Variants in MINDY2 observed in about 807,000 individuals in gnomAD.
MINDY2 encodes the protein ubiquitin carboxyl-terminal hydrolase MINDY-2.
A neutral mutation model predicts 68.2 loss-of-function variants in MINDY2; 52 were observed. That is an observed-to-expected ratio of 0.76 (90% CI 0.61 to 0.96). MINDY2 has a LOEUF of 0.96. Ranked by LOEUF, MINDY2 falls within the 40% of genes least tolerant of loss-of-function variation. MINDY2 has a pLI of 0.00. For synonymous variants in MINDY2, 372 were observed against 303.0 expected (o/e 1.23, Z -2.36); for missense variants, 881 against 773.4 (o/e 1.14, Z -1.65).
chr15:58,803,482 AAG>A (rs1595728991), intron 3 of MINDY2, among the ~76,000 whole-genome samples: 2 of 145,526 alleles, frequency 1.4e-5, no homozygotes, highest in African/African-American at 2.8e-5. Flanking sequence ...AAAAAAAAAA[AAG>A]AAGAAGAATC....
At position 58,854,671 on chromosome 15, in the gene MINDY2, A is replaced by G. The variant is rs2033000072; in HGVS notation, c.*61A>G. On this transcript the variant is annotated 3_prime_UTR_variant, in exon 9 of 9. Transcript: ENST00000559228. The stretch of plus-strand genomic sequence containing the variant: ...TTGAGAAACAAAACCACAGGAGGAA[A>G]GGAAGAAAAACCGATCAATACCGTC... 2.6e-6 allele frequency: 4 copies of G among 1,543,848 alleles called. No individual in the cohort carries two copies. The highest frequency in any genetic ancestry group is 3.5e-6 in the Non-Finnish European group (4 of 1,153,922).
chr15:58,830,088 AAAG>A (rs1246892810), intron 5 of MINDY2, among the ~76,000 whole-genome samples: 4 of 152,152 alleles, frequency 2.6e-5, no homozygotes, highest in African/African-American at 4.8e-5. Context: ...GGAAGGAGGG[AAAG>A]AAGAAGAGAA....
intron 6 of MINDY2, among the ~76,000 whole-genome samples, chr15:58,846,701 TTA>T (rs1274201747): frequency 6.6e-6 from 1 of 152,088 alleles, no homozygotes; most frequent in Non-Finnish European, 1.5e-5. Flanking sequence ...CGTACAGAGT[TTA>T]TGTGATAAGG....
intron 5 of MINDY2, among the ~76,000 whole-genome samples, chr15:58,830,903 G>T (rs1369490997): frequency 6.6e-6 from 1 of 151,944 alleles, no homozygotes; most frequent in Non-Finnish European, 1.5e-5. Context: ...CCACAAACAA[G>T]CATGAAAATG....
intron 2 of MINDY2, among the ~76,000 whole-genome samples, chr15:58,799,427 C>T (rs938037871): frequency 7.9e-5 from 12 of 151,890 alleles, no homozygotes; most frequent in African/African-American, 7.3e-5. Context: ...ATTAGCCAGG[C>T]GTGGTGGCGG....
At chr15:58,848,675 G>A (rs1319822557) in intron 7 of MINDY2, among the ~76,000 whole-genome samples, 1 of 152,148 alleles carries the variant, frequency 6.6e-6, no homozygotes, top group Non-Finnish European at 1.5e-5. Context: ...GAACCAAGGA[G>A]GCAGAGCTTG....
intron 1 of MINDY2, among the ~76,000 whole-genome samples, chr15:58,774,967 C>G (rs1222217741): frequency 6.6e-6 from 1 of 151,894 alleles, no homozygotes; most frequent in African/African-American, 2.4e-5. Context: ...CCTGTTGATG[C>G]CCACAAAAAC....
intron 4 of MINDY2, 31 bp downstream of exon 4, chr15:58,810,419 CA>C (rs1465073547): frequency 6.7e-7 from 1 of 1,496,278 alleles, no homozygotes; most frequent in Admixed American, 2.4e-5. Flanking sequence ...TATGTAAACA[CA>C]AATACAGGAA....
chr15:58,801,702 C>T (rs747883436), intron 2 of MINDY2, among the ~76,000 whole-genome samples: 83 of 152,156 alleles, frequency 5.5e-4, no homozygotes, highest in Non-Finnish European at 9.4e-4. Flanking sequence ...TGCAGTGGCG[C>T]GATCTCGGCT....
At chr15:58,810,098 T>C in intron 3 of MINDY2, 132 bp from the exon 4 acceptor site, 2 of 816,814 alleles carry the variant, frequency 2.4e-6, no homozygotes, top group Admixed American at 2.8e-5. Context: ...AGATACTCAA[T>C]AATAAAAATA....
chr15:58,804,253 T>A (rs11635746), intron 3 of MINDY2, among the ~76,000 whole-genome samples: 2 of 152,192 alleles, frequency 1.3e-5, no homozygotes, highest in Non-Finnish European at 2.9e-5. Context: ...AATAGAAACC[T>A]CTTTTCAAAT....
chr15:58,848,559 C>T (rs943622692), intron 7 of MINDY2, among the ~76,000 whole-genome samples: 1 of 151,656 alleles, frequency 6.6e-6, no homozygotes, highest in African/African-American at 2.4e-5. Context: ...CTGGCTAACA[C>T]GGTGAAACCC....
intron 7 of MINDY2, among the ~76,000 whole-genome samples, chr15:58,851,193 C>T (rs1027900369): frequency 3.3e-5 from 5 of 151,734 alleles, no homozygotes; most frequent in East Asian, 3.9e-4. Flanking sequence ...AGGGTGGTCT[C>T]GAACTCCTGG....
intron 3 of MINDY2, among the ~76,000 whole-genome samples, chr15:58,802,664 G>C (rs76658691): frequency 0.15 from 22,581 of 151,318 alleles, 1,987 homozygotes; most frequent in East Asian, 0.44. Flanking sequence ...ATCAAACCTA[G>C]TGTTTTTCTT....
Position 58,771,725 on chromosome 15 carries a change from C to T in MINDY2, c.330C>T (p.Ala110=). Residue 110 remains alanine, a synonymous_variant, in exon 1 of 9, where the codon GCC becomes GCT. Transcript: ENST00000559228. The part of the protein sequence containing the change: ...APLRGQYKVT[A]SPETAVAGVG... ...TGAGAGGGCAGTACAAGGTGACCGC[C>T]TCCCCGGAGACAGCCGTGGCCGGAG... 1 of 1,612,094 alleles carries T rather than the reference C, an allele frequency of 6.2e-7. No individual in the cohort carries two copies. Among genetic ancestry groups the T allele is most frequent in the Non-Finnish European group, 8.5e-7 (1 of 1,179,682 alleles).
In MINDY2 at chr15:58,854,610, A is replaced by G; in HGVS notation, c.1866A>G (p.Ter622=). The G allele has an allele frequency of 6.2e-7, 1 of 1,605,620 alleles. No homozygotes were observed. The highest frequency in any genetic ancestry group is 1.1e-5 in the South Asian group (1 of 90,716). Reference sequence around the variant, plus strand: ...AAAAAAATAGCTGTGTTATTTTGTAACAAGTGTTGGCTTCTGTTGGAACCA... The same window carrying G: ...AAAAAAATAGCTGTGTTATTTTGTAGCAAGTGTTGGCTTCTGTTGGAACCA... ...EKEKNSCVIL[*] is the part of the protein sequence containing the mutation. The change falls in exon 9 of 9, where the codon TAA becomes TAG. Residue 622 remains the stop codon, a stop_retained_variant. Coordinates refer to ENST00000559228, the MANE Select transcript of MINDY2 (RefSeq NM_001040450.3).
intron 1 of MINDY2, among the ~76,000 whole-genome samples, chr15:58,780,673 G>A (rs963669378): frequency 1.3e-5 from 2 of 152,262 alleles, no homozygotes; most frequent in African/African-American, 4.8e-5. Flanking sequence ...TACAGACTCC[G>A]GTTTTTAGCT....
chr15:58,806,853 T>C (rs1903046912), intron 3 of MINDY2, among the ~76,000 whole-genome samples: 1 of 152,212 alleles, frequency 6.6e-6, no homozygotes, highest in Non-Finnish European at 1.5e-5. Flanking sequence ...TTTTAAGCGT[T>C]TAATTTTTGG....
intron 6 of MINDY2, among the ~76,000 whole-genome samples, chr15:58,842,147 A>G (rs1169439112): frequency 2.0e-5 from 3 of 151,992 alleles, no homozygotes; most frequent in African/African-American, 4.8e-5. Context: ...TCCTTTTACC[A>G]TAGCAACCTT....
Sources: allele counts gnomAD v4.1 joint callset (sites outside exome capture counted in the v4.1 genomes callset), GRCh38; gene constraint gnomAD v4.1.1; transcripts MANE v1.5; gene names NCBI Gene and HGNC (gene_info 2026-07-23, HGNC 2026-07-21).